C10orf90: variants seen among roughly 807,000 people sequenced by gnomAD.
C10orf90 encodes (E2-independent) E3 ubiquitin-conjugating enzyme FATS.
In C10orf90, 56 loss-of-function variants were observed where a neutral mutation model predicts 62.5. The observed-to-expected ratio is 0.90, with a 90% confidence interval of 0.72 to 1.12. The LOEUF is 1.12. Ranked by LOEUF, C10orf90 falls within the 50% of genes most tolerant of loss-of-function variation. The probability of loss-of-function intolerance (pLI) is 0.00; values close to 1 mark genes in which losing one functional copy is unlikely to be tolerated. For missense variants in C10orf90, 970 were observed against 880.4 expected, an observed-to-expected ratio of 1.10 and a Z score of -1.29; for synonymous variants, 386 against 340.4, an observed-to-expected ratio of 1.13 and a Z score of -1.47.
In C10orf90 at chr10:126,665,530, A is replaced by G. The variant is rs1165289817; in HGVS notation, c.240+4711T>C. 2.0e-5 allele frequency among the ~76,000 whole-genome samples: 3 copies of G among 152,180 alleles called. No homozygotes were observed. In the East Asian group the frequency reaches 5.8e-4, roughly 29 times the overall value. On this transcript the variant is annotated intron_variant, in intron 1 of 9. Coordinates refer to ENST00000488181, the MANE Select transcript of C10orf90 (RefSeq NM_001350921.2). ...AAGCCCAGAGCTAAGTTTCCAAACT[A>G]TGGTGGGATATTGAAACCACTCTGG...
intron 2 of C10orf90, among the ~76,000 whole-genome samples, chr10:126,587,606 G>A (rs912152713): frequency 1.3e-5 from 2 of 152,164 alleles, no homozygotes; most frequent in South Asian, 4.1e-4. Flanking sequence ...TCACATTGAG[G>A]GTTACACCTT....
At chr10:126,535,280 G>A (rs2133960421) in intron 2 of C10orf90, among the ~76,000 whole-genome samples, 1 of 152,140 alleles carries the variant, frequency 6.6e-6, no homozygotes, top group South Asian at 2.1e-4. Flanking sequence ...CACTTTGGGA[G>A]GCCGAGGCAG....
intron 4 of C10orf90, among the ~76,000 whole-genome samples, chr10:126,475,135 G>C (rs771584192): frequency 2.6e-5 from 4 of 152,170 alleles, no homozygotes; most frequent in Non-Finnish European, 4.4e-5. Context: ...AGCTGGCTGA[G>C]AGAGCCCTGG....
chr10:126,624,803 C>T (rs187009392), intron 2 of C10orf90, among the ~76,000 whole-genome samples: 2 of 152,202 alleles, frequency 1.3e-5, no homozygotes, highest in East Asian at 3.9e-4. Flanking sequence ...ACTCCATTAG[C>T]CCCCACAGTG....
chr10:126,431,069 A>G (rs1857544793), intron 7 of C10orf90, among the ~76,000 whole-genome samples: 1 of 152,238 alleles, frequency 6.6e-6, no homozygotes, highest in South Asian at 2.1e-4. Flanking sequence ...CTTCAAAGAC[A>G]AGATTGAAAG....
At chr10:126,598,697 C>T (rs374572348) in intron 2 of C10orf90, among the ~76,000 whole-genome samples, 11 of 152,104 alleles carry the variant, frequency 7.2e-5, no homozygotes, top group Admixed American at 2.0e-4. Context: ...CATCAACTCA[C>T]GGGTAAGCTT....
At chr10:126,483,968 C>A (rs1298406925) in intron 4 of C10orf90, among the ~76,000 whole-genome samples, 1 of 152,140 alleles carries the variant, frequency 6.6e-6, no homozygotes, top group Non-Finnish European at 1.5e-5. Flanking sequence ...CCCCCTGACC[C>A]CACCTTGCTC....
intron 2 of C10orf90, among the ~76,000 whole-genome samples, chr10:126,542,648 TAACTC>T (rs1263910521): frequency 2.0e-5 from 3 of 152,248 alleles, no homozygotes; most frequent in Non-Finnish European, 4.4e-5. Flanking sequence ...ATACGAATTT[TAACTC>T]AATTAAAAAA....
intron 2 of C10orf90, among the ~76,000 whole-genome samples, chr10:126,555,420 C>T (rs922448503): frequency 2.0e-5 from 3 of 152,130 alleles, no homozygotes; most frequent in African/African-American, 7.2e-5. Flanking sequence ...TGCCTGTAAT[C>T]CCAACACTTT....
intron 2 of C10orf90, among the ~76,000 whole-genome samples, chr10:126,556,258 G>A (rs967339716): frequency 8.5e-5 from 13 of 152,150 alleles, no homozygotes; most frequent in Admixed American, 7.2e-4. Context: ...ATTGCAAAAT[G>A]TCAACAGCGA....
intron 1 of C10orf90, among the ~76,000 whole-genome samples, chr10:126,662,146 CTTGA>C (rs1846528776): frequency 6.6e-6 from 1 of 151,530 alleles, no homozygotes; most frequent in Non-Finnish European, 1.5e-5. Context: ...TGAGGAATGG[CTTGA>C]TTATTTCAAC....
intron 1 of C10orf90, among the ~76,000 whole-genome samples, chr10:126,661,888 A>G (rs1846522858): frequency 6.6e-6 from 1 of 152,088 alleles, no homozygotes. Context: ...AAACAATATA[A>G]TTATAATATT....
Position 126,562,130 on chromosome 10 carries a change from C to T in C10orf90, c.314-48191G>A, listed in dbSNP as rs541714543. On this transcript the variant is annotated intron_variant, in intron 2 of 9. Coordinates refer to ENST00000488181, the MANE Select transcript of C10orf90 (RefSeq NM_001350921.2). ...CACTGCAGGCCCAGCAGCTTCCTGC[C>T]GGCGTTAGTTTATCCAGAACCTCTA... Among the ~76,000 whole-genome samples, 12 of 152,272 alleles carry T rather than the reference C, an allele frequency of 7.9e-5. No individual in the cohort carries two copies. The South Asian group carries it at 8.3e-4, about 11-fold the overall frequency.
intron 1 of C10orf90, among the ~76,000 whole-genome samples, chr10:126,661,713 TG>T (rs1477524820): frequency 1.3e-5 from 2 of 151,994 alleles, no homozygotes; most frequent in Admixed American, 6.6e-5. Flanking sequence ...GAAAGTTCAT[TG>T]ATCTTTTCTT....
At chr10:126,644,670 A>G (rs1218337426) in intron 2 of C10orf90, among the ~76,000 whole-genome samples, 1 of 152,236 alleles carries the variant, frequency 6.6e-6, no homozygotes, top group Non-Finnish European at 1.5e-5. Context: ...TTCCTAAGCC[A>G]TTAAAGTGCT....
chr10:126,493,547 G>A (rs1320495431), intron 4 of C10orf90, among the ~76,000 whole-genome samples: 2 of 151,536 alleles, frequency 1.3e-5, no homozygotes, highest in Non-Finnish European at 2.9e-5. Context: ...AGTAGAGAAG[G>A]AGTTTTGCCA....
chr10:126,500,523 C>T (rs534284936), intron 4 of C10orf90, among the ~76,000 whole-genome samples: 29 of 152,162 alleles, frequency 1.9e-4, no homozygotes, highest in Non-Finnish European at 2.8e-4. Flanking sequence ...ATGATGATGA[C>T]GATGATGATG....
chr10:126,514,028 T>C lies in C10orf90; in HGVS notation c.314-89A>G, dbSNP rs918681340. 43 of 875,904 alleles carry C rather than the reference T, an allele frequency of 4.9e-5. No individual in the cohort carries two copies. The African/African-American group carries it at 6.8e-4, about 14-fold the overall frequency. The allele number at this position is 875,904 out of a possible 1,614,324, so 54.3% of individuals were successfully genotyped here. On this transcript the variant is annotated intron_variant, in intron 2 of 9. Coordinates refer to ENST00000488181, the MANE Select transcript of C10orf90 (RefSeq NM_001350921.2). ...CTCTACTGTAAAATTTAATGTCACC[T>C]ACTCACATATTCTATCAGCCAACAG...
intron 1 of C10orf90, among the ~76,000 whole-genome samples, chr10:126,669,277 C>G (rs1246745537): frequency 6.6e-6 from 1 of 152,216 alleles, no homozygotes; most frequent in Non-Finnish European, 1.5e-5. Flanking sequence ...GAAATTCACA[C>G]TCCCAGGGCT....
Sources: allele counts gnomAD v4.1 joint callset (sites outside exome capture counted in the v4.1 genomes callset), GRCh38; gene constraint gnomAD v4.1.1; transcripts MANE v1.5; gene names NCBI Gene and HGNC (gene_info 2026-07-23, HGNC 2026-07-21).